ZNF385D: variants seen among roughly 807,000 people sequenced by gnomAD.
The protein encoded by ZNF385D is zinc finger protein 385D.
A neutral mutation model predicts 35.8 loss-of-function variants in ZNF385D; 15 were observed. That is an observed-to-expected ratio of 0.42 (90% CI 0.28 to 0.64). The LOEUF is 0.64. ZNF385D is among the 30% of genes least tolerant of loss of function. ZNF385D has a pLI of 0.23. For missense variants in ZNF385D, 474 were observed against 494.6 expected (o/e 0.96, Z 0.39); for synonymous variants, 212 against 186.8 (o/e 1.13, Z -1.10).
At chr3:21,520,153 C>T (rs567860153) in intron 3 of ZNF385D, among the ~76,000 whole-genome samples, 1 of 152,116 alleles carries the variant, frequency 6.6e-6, no homozygotes, top group Non-Finnish European at 1.5e-5. Flanking sequence ...TAAAGAGTTC[C>T]CTCTGCCTGG....
rs964881042 is a variant in ZNF385D at position 21,418,651 on chromosome 3, T to C, written c.*2563A>G. ...TAATGCCTTGTGACCCAGGACACTG[T>C]GTATCCCATAGGCCCTGATTTTTAG... On this transcript the variant is annotated 3_prime_UTR_variant, in exon 8 of 8. Transcript: ENST00000281523. 3 of 152,166 alleles carry C rather than the reference T, an allele frequency of 2.0e-5. No homozygotes were observed. Among genetic ancestry groups the C allele is most frequent in the African/African-American group, 4.8e-5 (2 of 41,444 alleles). The allele number at this position is 152,166 out of a possible 1,614,324, so 9.4% of individuals were successfully genotyped here. A position where few individuals can be genotyped will look rare whatever the true frequency, so the allele number is the denominator to read the frequency against.
chr3:21,882,141 G>C (rs1006804149), intron 3 of ZNF385D, among the ~76,000 whole-genome samples: 1 of 152,014 alleles, frequency 6.6e-6, no homozygotes, highest in African/African-American at 2.4e-5. Flanking sequence ...TCAGAGGACT[G>C]ACTGCAATTT....
intron 3 of ZNF385D, among the ~76,000 whole-genome samples, chr3:22,104,889 C>T (rs1472938863): frequency 6.6e-6 from 1 of 152,106 alleles, no homozygotes; most frequent in Non-Finnish European, 1.5e-5. Context: ...AATACAGTGA[C>T]TGCTGCTGTA....
chr3:21,616,442 A>T (rs1041392463), intron 2 of ZNF385D, among the ~76,000 whole-genome samples: 1 of 152,168 alleles, frequency 6.6e-6, no homozygotes, highest in Non-Finnish European at 1.5e-5. Flanking sequence ...TCCATGAGAA[A>T]ATCAATTTCC....
chr3:21,599,525 C>T (rs918876460), intron 2 of ZNF385D, among the ~76,000 whole-genome samples: 3 of 152,054 alleles, frequency 2.0e-5, no homozygotes, highest in Admixed American at 1.3e-4. Flanking sequence ...TGAGCTAATC[C>T]TTTTGCTGAC....
intron 3 of ZNF385D, among the ~76,000 whole-genome samples, chr3:22,021,209 G>A (rs1697205768): frequency 6.6e-6 from 1 of 151,606 alleles, no homozygotes; most frequent in Non-Finnish European, 1.5e-5. Flanking sequence ...CTACACAATC[G>A]ATACATGAAA....
chr3:21,922,444 T>C (rs557868685), intron 3 of ZNF385D, among the ~76,000 whole-genome samples: 13 of 152,250 alleles, frequency 8.5e-5, no homozygotes, highest in African/African-American at 3.1e-4. Context: ...AGCAGATACA[T>C]ATACCAATGG....
intron 2 of ZNF385D, among the ~76,000 whole-genome samples, chr3:21,574,178 G>A (rs558451580): frequency 1.6e-4 from 25 of 152,058 alleles, no homozygotes; most frequent in Non-Finnish European, 3.2e-4. Context: ...ATCTCCTCAG[G>A]AAGCATAATG....
Position 21,843,236 on chromosome 3 carries a change from AG to A in ZNF385D, c.326-178209del, listed in dbSNP as rs563934344. ...CACTGAACTTTTGGGTTGGGGAAAA[AG>A]GTTTAAGAACCAGCAGGTAGAAGCA... On this transcript the variant is annotated intron_variant, in intron 3 of 5. Transcript: ENST00000494108. 1.6e-4 allele frequency among the ~76,000 whole-genome samples: 25 copies of A among 152,092 alleles called. No individual in the cohort carries two copies. The East Asian group carries it at 4.3e-3, about 26-fold the overall frequency.
intron 3 of ZNF385D, among the ~76,000 whole-genome samples, chr3:21,881,386 A>G (rs259552): frequency 0.2 from 30,864 of 151,818 alleles, 3,967 homozygotes; most frequent in African/African-American, 0.34. Context: ...AATCTACTCC[A>G]CCTGTGCTCT....
At chr3:21,936,155 C>T (rs1199389472) in intron 3 of ZNF385D, among the ~76,000 whole-genome samples, 1 of 152,062 alleles carries the variant, frequency 6.6e-6, no homozygotes. Context: ...TAAGGTGATT[C>T]AAGAGCCTCA....
chr3:21,579,230 A>G (rs376089951), intron 2 of ZNF385D: 1 of 152,244 alleles, frequency 6.6e-6, no homozygotes, highest in Admixed American at 6.5e-5. Context: ...GTCCTAGACA[A>G]CATGGCATTA....
At chr3:21,603,081 C>T (rs559751103) in intron 2 of ZNF385D, among the ~76,000 whole-genome samples, 10 of 152,232 alleles carry the variant, frequency 6.6e-5, no homozygotes, top group Admixed American at 6.5e-4. Flanking sequence ...GCTTAAATTT[C>T]ATCAAGTTTA....
At chr3:21,657,452 A>G (rs1441045507) in intron 2 of ZNF385D, among the ~76,000 whole-genome samples, 1 of 152,036 alleles carries the variant, frequency 6.6e-6, no homozygotes, top group Non-Finnish European at 1.5e-5. Flanking sequence ...TACAGGACTC[A>G]GCAAACATGC....
At chr3:21,797,382 T>C (rs1162802997) in intron 3 of ZNF385D, among the ~76,000 whole-genome samples, 1 of 152,196 alleles carries the variant, frequency 6.6e-6, no homozygotes, top group Non-Finnish European at 1.5e-5. Flanking sequence ...TCTGATTCAT[T>C]GCTAGTGGAA....
intron 2 of ZNF385D, among the ~76,000 whole-genome samples, chr3:21,570,968 C>T (rs1230379773): frequency 6.6e-6 from 1 of 152,180 alleles, no homozygotes; most frequent in African/African-American, 2.4e-5. Flanking sequence ...CTCACTCCCA[C>T]AAAATTTTTC....
At chr3:21,587,887 T>C (rs1377041907) in intron 2 of ZNF385D, among the ~76,000 whole-genome samples, 1 of 151,844 alleles carries the variant, frequency 6.6e-6, no homozygotes, top group Non-Finnish European at 1.5e-5. Context: ...GAAAGAGGAC[T>C]GAGAAAAAAG....
intron 2 of ZNF385D, among the ~76,000 whole-genome samples, chr3:22,319,292 G>C (rs1356403961): frequency 6.6e-6 from 1 of 151,870 alleles, no homozygotes; most frequent in Admixed American, 6.6e-5. Flanking sequence ...CCTCTGAATG[G>C]ATAGTGATGT....
chr3:21,577,656 C>T lies in ZNF385D; in HGVS notation c.166-12972G>A, dbSNP rs551703686. ...TGTATAGAAAGAGTTCCTCTTTCTC[C>T]GCAACCTCACTAGCAGGTTATTTTT... On this transcript the variant is annotated intron_variant, in intron 2 of 7. Transcript: ENST00000281523. Among the ~76,000 whole-genome samples, 53 of 152,178 alleles carry T rather than the reference C, an allele frequency of 3.5e-4. 1 individual carries two copies. The South Asian group carries it at 3.5e-3, about 10-fold the overall frequency.
Sources: gnomAD v4.1 joint callset for allele counts (sites outside exome capture counted in the v4.1 genomes callset) on GRCh38, gnomAD v4.1.1 for gene constraint, MANE v1.5 for transcripts, NCBI Gene and HGNC (gene_info 2026-07-23, HGNC 2026-07-21) for gene names.